The following PBX1 variants were observed in gnomAD, a reference collection of about 807,000 sequenced individuals.
PBX1 encodes pre-B-cell leukemia transcription factor 1.
In PBX1, 6 loss-of-function variants were observed where a neutral mutation model predicts 53.4. That is an observed-to-expected ratio of 0.11 (90% CI 0.06 to 0.22). The LOEUF is 0.22. Among genes scored for constraint, PBX1 ranks in the 10% least tolerant of loss-of-function variants. The probability of loss-of-function intolerance (pLI) is 1.00; values close to 1 mark genes in which losing one functional copy is unlikely to be tolerated. For synonymous variants in PBX1, 204 were observed against 212.3 expected, an observed-to-expected ratio of 0.96 and a Z score of 0.34; for missense variants, 251 against 551.4, an observed-to-expected ratio of 0.46 and a Z score of 5.46.
chr1:164,872,734 G>A (rs2102456451), intron 2 of PBX1, among the ~76,000 whole-genome samples: 1 of 152,268 alleles, frequency 6.6e-6, no homozygotes, highest in African/African-American at 2.4e-5. Context: ...CTTTTTTCAG[G>A]TGTGCTGCCG....
At chr1:164,668,736 C>T (rs1039320533) in intron 2 of PBX1, among the ~76,000 whole-genome samples, 2 of 152,200 alleles carry the variant, frequency 1.3e-5, no homozygotes, top group Non-Finnish European at 2.9e-5. Context: ...GCTCCTCGCG[C>T]CAATGTGGCA....
intron 1 of PBX1, among the ~76,000 whole-genome samples, chr1:164,561,138 T>C (rs755693004): frequency 4.2e-4 from 64 of 152,216 alleles, no homozygotes; most frequent in Non-Finnish European, 6.3e-4. Context: ...AGCTTTGTTA[T>C]ATCTCCGAAG....
chr1:164,706,594 A>G (rs1266015162), intron 2 of PBX1, among the ~76,000 whole-genome samples: 1 of 152,146 alleles, frequency 6.6e-6, no homozygotes, highest in Non-Finnish European at 1.5e-5. Flanking sequence ...CATATATATG[A>G]TATACCTTTT....
chr1:164,614,324 G>T (rs923473551), intron 2 of PBX1, among the ~76,000 whole-genome samples: 3 of 152,158 alleles, frequency 2.0e-5, no homozygotes, highest in Non-Finnish European at 2.9e-5. Flanking sequence ...TATGACAGAG[G>T]CTTGGGAGCC....
rs1671786740 is a variant in PBX1 at position 164,850,566 on chromosome 1, G to A, written c.*3890G>A. Reference sequence around the variant, plus strand: ...TGATCTTGCTGTTTTTCTTCAATATGTATACAAGGTGATGTGAAAAGATGA... The same window carrying A: ...TGATCTTGCTGTTTTTCTTCAATATATATACAAGGTGATGTGAAAAGATGA... On this transcript the variant is annotated 3_prime_UTR_variant, in exon 9 of 9. Coordinates refer to ENST00000420696, the MANE Select transcript of PBX1 (RefSeq NM_002585.4). The A allele has an allele frequency of 5.2e-6, 1 of 190,956 alleles. No individual in the cohort carries two copies. The highest frequency in any genetic ancestry group is 6.2e-5 in the Admixed American group (1 of 16,222). The allele number at this position is 190,956 out of a possible 1,614,324, so 11.8% of individuals were successfully genotyped here.
intron 2 of PBX1, among the ~76,000 whole-genome samples, chr1:164,634,158 G>A (rs1658592154): frequency 6.6e-6 from 1 of 152,156 alleles, no homozygotes; most frequent in Admixed American, 6.5e-5. Context: ...CTTCTTGTTT[G>A]GAGGTAGCTC....
chr1:164,750,999 AG>A (rs1666181802), intron 2 of PBX1, among the ~76,000 whole-genome samples: 1 of 152,168 alleles, frequency 6.6e-6, no homozygotes. Context: ...TGAGGTCAAA[AG>A]TATATTGATA....
chr1:164,582,805 T>G (rs1281723815), intron 2 of PBX1, among the ~76,000 whole-genome samples: 1 of 152,214 alleles, frequency 6.6e-6, no homozygotes, highest in Non-Finnish European at 1.5e-5. Context: ...TTTCATGTTT[T>G]ACCATAGCCC....
At chr1:164,710,841 A>C (rs1387729113) in intron 2 of PBX1, among the ~76,000 whole-genome samples, 1 of 152,214 alleles carries the variant, frequency 6.6e-6, no homozygotes, top group Non-Finnish European at 1.5e-5. Context: ...AATATTGTGA[A>C]ACATGAATAT....
chr1:164,578,243 A>C (rs1654389550), intron 2 of PBX1, among the ~76,000 whole-genome samples: 1 of 152,200 alleles, frequency 6.6e-6, no homozygotes, highest in African/African-American at 2.4e-5. Context: ...TTGTAAGTAG[A>C]GGTTATGGAA....
At chr1:164,591,015 T>C (rs1423086672) in intron 2 of PBX1, among the ~76,000 whole-genome samples, 1 of 150,032 alleles carries the variant, frequency 6.7e-6, no homozygotes, top group African/African-American at 2.4e-5. Context: ...TGGCTAATTT[T>C]TTTTTTTTTT....
At chr1:164,579,555 T>C (rs1460958781) in intron 2 of PBX1, among the ~76,000 whole-genome samples, 1 of 152,220 alleles carries the variant, frequency 6.6e-6, no homozygotes, top group Non-Finnish European at 1.5e-5. Flanking sequence ...GCCCAGTTAC[T>C]GGGGCAGACC....
chr1:164,686,956 C>CAA (rs112362893), intron 2 of PBX1, among the ~76,000 whole-genome samples: 10 of 140,290 alleles, frequency 7.1e-5, no homozygotes, highest in African/African-American at 1.8e-4. Flanking sequence ...GACTGCATCC[C>CAA]AAAAAAAAAA....
intron 2 of PBX1, among the ~76,000 whole-genome samples, chr1:164,741,272 T>C (rs907119510): frequency 6.6e-6 from 1 of 152,246 alleles, no homozygotes. Flanking sequence ...AAGAGATCTC[T>C]GGACTCATAG....
At chr1:164,565,227 A>T (rs1310481592) in intron 2 of PBX1, among the ~76,000 whole-genome samples, 5 of 152,162 alleles carry the variant, frequency 3.3e-5, no homozygotes, top group Non-Finnish European at 7.3e-5. Flanking sequence ...GAAGTAAAGT[A>T]GTCAGTCGTA....
At chr1:164,629,704 C>G (rs1571104383) in intron 2 of PBX1, among the ~76,000 whole-genome samples, 1 of 152,212 alleles carries the variant, frequency 6.6e-6, no homozygotes, top group Non-Finnish European at 1.5e-5. Context: ...AATTTCCTCT[C>G]AAGCCACTGC....
chr1:164,755,751 C>A (rs2102207495), intron 2 of PBX1, among the ~76,000 whole-genome samples: 1 of 152,138 alleles, frequency 6.6e-6, no homozygotes. Flanking sequence ...AGGCTGAGGA[C>A]AAGGAAGAGC....
intron 2 of PBX1, among the ~76,000 whole-genome samples, chr1:164,608,985 T>C (rs1237386633): frequency 6.6e-6 from 1 of 152,076 alleles, no homozygotes; most frequent in Non-Finnish European, 1.5e-5. Flanking sequence ...ATATAAAACA[T>C]CTGCTCTTGG....
chr1:164,604,461 A>G (rs576460027), intron 2 of PBX1, among the ~76,000 whole-genome samples: 4 of 152,314 alleles, frequency 2.6e-5, no homozygotes, highest in African/African-American at 9.6e-5. Context: ...AGTTACATGT[A>G]TTGAGTGCCT....
Sources: allele counts gnomAD v4.1 joint callset (sites outside exome capture counted in the v4.1 genomes callset), GRCh38; gene constraint gnomAD v4.1.1; transcripts MANE v1.5; gene names NCBI Gene and HGNC (gene_info 2026-07-23, HGNC 2026-07-21).